Variants in TAF1 observed in about 807,000 individuals in gnomAD.
TAF1 encodes transcription initiation factor TFIID subunit 1.
A neutral mutation model predicts 138.5 loss-of-function variants in TAF1; 2 were observed. That is an observed-to-expected ratio of 0.01 (90% CI 0.01 to 0.05). TAF1 has a LOEUF of 0.05. Ranked by LOEUF, TAF1 falls within the 10% of genes least tolerant of loss-of-function variation. The pLI is 1.00. For missense variants in TAF1, 709 were observed against 1,478.0 expected, an observed-to-expected ratio of 0.48 and a Z score of 8.53; for synonymous variants, 437 against 503.2, an observed-to-expected ratio of 0.87 and a Z score of 1.76.
intron 32 of TAF1, among the ~76,000 whole-genome samples, chrX:71,447,585 A>G (rs2037752084): frequency 9.1e-6 from 1 of 109,571 alleles, no homozygotes; most frequent in African/African-American, 3.3e-5. Context: ...AATTCCAGCT[A>G]CTTGGGGAGG....
intron 32 of TAF1, among the ~76,000 whole-genome samples, chrX:71,434,597 C>T (rs941689356): frequency 8.0e-5 from 9 of 111,979 alleles, no homozygotes; most frequent in Non-Finnish European, 1.3e-4. Context: ...ATATAAAACA[C>T]ATCTGGACAT....
chrX:71,471,880 T>C (rs1227042470), intron 13 of TAF1, among the ~76,000 whole-genome samples: 5 of 111,830 alleles, frequency 4.5e-5, no homozygotes, highest in Non-Finnish European at 9.4e-5. Context: ...AATCTGAGGC[T>C]GAAGTGACAT....
intron 32 of TAF1, among the ~76,000 whole-genome samples, chrX:71,431,003 ATTTTTTTTTTTTT>A (rs41481947): frequency 2.9e-5 from 2 of 68,601 alleles, no homozygotes; most frequent in Non-Finnish European, 5.2e-5. Flanking sequence ...GCTCAGAAGA[ATTTTTTTTTTTTT>A]TTTTTTTTTT....
In TAF1 at chrX:71,381,835, A is replaced by G; in HGVS notation, c.1453A>G (p.Ile485Val). ...GGTATATGGACGCTGGGAGGACAAT[A>G]TCATTTGGGATGCTCAGGCCATGCC... ...DLVYGRWEDN[I>V]IWDAQAMPRL... The change falls in exon 9 of 38, where the codon ATC becomes GTC. Residue 485 changes from isoleucine (I) to valine (V), a missense_variant. Transcript: ENST00000423759. 8.3e-7 allele frequency: 1 copy of G among 1,198,607 alleles called. No individual in the cohort carries two copies. Among genetic ancestry groups the G allele is most frequent in the South Asian group, 1.8e-5 (1 of 54,975 alleles).
At chrX:71,457,065 T>A (rs1185913149) in intron 34 of TAF1, among the ~76,000 whole-genome samples, 2 of 112,269 alleles carry the variant, frequency 1.8e-5, no homozygotes, top group Non-Finnish European at 3.8e-5. Context: ...TGCAGTTTTC[T>A]GCACTGTGCC....
intron 32 of TAF1, among the ~76,000 whole-genome samples, chrX:71,441,187 T>C (rs1233119782): frequency 9.0e-6 from 1 of 110,972 alleles, no homozygotes; most frequent in African/African-American, 3.3e-5. Flanking sequence ...GCCCCATCTG[T>C]ATATTTTCTT....
At chrX:71,422,498 GTA>G (rs2036401479) in intron 29 of TAF1, among the ~76,000 whole-genome samples, 1 of 79,177 alleles carries the variant, frequency 1.3e-5, no homozygotes, top group East Asian at 3.9e-4. Context: ...TTTTTTTTTT[GTA>G]TTCTTAGTAG....
intron 24 of TAF1, among the ~76,000 whole-genome samples, chrX:71,400,128 C>T (rs1356560295): frequency 4.0e-5 from 4 of 99,119 alleles, no homozygotes; most frequent in East Asian, 3.3e-4. Flanking sequence ...CTTGCTTAAT[C>T]GCTCAGGCTG....
intron 32 of TAF1, among the ~76,000 whole-genome samples, chrX:71,431,128 T>A (rs1381735540): frequency 6.7e-5 from 7 of 104,418 alleles, no homozygotes; most frequent in African/African-American, 2.4e-4. Context: ...GATTTGCCTA[T>A]CTCAGCCCAT....
At chrX:71,405,323 A>G (rs1010662623) in intron 25 of TAF1, among the ~76,000 whole-genome samples, 7 of 110,569 alleles carry the variant, frequency 6.3e-5, no homozygotes, top group African/African-American at 2.3e-4. Flanking sequence ...TGATACAGTT[A>G]CAGTCATTTA....
At position 71,393,416 on chromosome X, in the gene TAF1, T is replaced by C; in HGVS notation, c.3167T>C (p.Val1056Ala). 1 of 1,209,823 alleles carries C rather than the reference T, an allele frequency of 8.3e-7. No homozygotes were observed. Among genetic ancestry groups the C allele is most frequent in the Non-Finnish European group, 1.1e-6 (1 of 895,018 alleles). ...TTTGCCCGTGGATCAAGGTTTTCTG[T>C]GGCTGAGCATCAAGAGCGTTACAAA... ...SKFARGSRFS[V>A]AEHQERYKEE... Residue 1056 changes from valine (V) to alanine (A), a missense_variant, in exon 21 of 38, where the codon GTG (valine) becomes GCG (alanine). Coordinates refer to ENST00000423759, the MANE Select transcript of TAF1 (RefSeq NM_004606.5).
intron 37 of TAF1, chrX:71,461,050 G>A (rs1021848339): frequency 2.2e-5 from 8 of 365,442 alleles, no homozygotes; most frequent in African/African-American, 7.7e-5. Flanking sequence ...GTGCTATAGC[G>A]TAAGTAAGAC....
intron 28 of TAF1, among the ~76,000 whole-genome samples, chrX:71,409,893 C>G (rs907972276): frequency 9.1e-6 from 1 of 110,347 alleles, no homozygotes; most frequent in African/African-American, 3.3e-5. Flanking sequence ...CATATTACCT[C>G]TTTTTATTTT....
At chrX:71,367,709 C>G (rs1357545877) in intron 2 of TAF1, 96 bp downstream of exon 2, 5 of 1,012,474 alleles carry the variant, frequency 4.9e-6, no homozygotes, top group Non-Finnish European at 6.7e-6. Context: ...TTCGCTCTGT[C>G]TCCGAGGTTG....
intron 13 of TAF1, among the ~76,000 whole-genome samples, chrX:71,524,717 C>T (rs934146326): frequency 6.4e-5 from 7 of 108,690 alleles, no homozygotes; most frequent in African/African-American, 2.0e-4. Flanking sequence ...CCAAGGAGGG[C>T]GGATCACGAG....
chrX:71,459,346 A>G (rs1443574652), intron 35 of TAF1: 3 of 1,016,946 alleles, frequency 3.0e-6, no homozygotes, highest in African/African-American at 3.8e-5. Context: ...AGATGATATC[A>G]GGGGGTCTCC....
At chrX:71,374,604 G>T (rs1027069720) in intron 3 of TAF1, among the ~76,000 whole-genome samples, 4 of 109,633 alleles carry the variant, frequency 3.6e-5, no homozygotes, top group Non-Finnish European at 7.6e-5. Flanking sequence ...GTGCCACCAC[G>T]CCTAGCTAAT....
chrX:71,480,288 G>A (rs969219457), intron 13 of TAF1, among the ~76,000 whole-genome samples: 1 of 111,124 alleles, frequency 9.0e-6, no homozygotes, highest in South Asian at 3.8e-4. Flanking sequence ...CCAGCTACTC[G>A]GGAGGCTGAG....
At chrX:71,501,112 C>T (rs956800427) in intron 13 of TAF1, among the ~76,000 whole-genome samples, 2 of 108,898 alleles carry the variant, frequency 1.8e-5, no homozygotes, top group Non-Finnish European at 3.8e-5. Flanking sequence ...AGTGGAGGGC[C>T]ATACCCTGAG....
Sources: allele counts gnomAD v4.1 joint callset (sites outside exome capture counted in the v4.1 genomes callset), GRCh38; gene constraint gnomAD v4.1.1; transcripts MANE v1.5; gene names NCBI Gene and HGNC (gene_info 2026-07-23, HGNC 2026-07-21).